The following GTF2A2 variants were observed in gnomAD, a reference collection of about 807,000 sequenced individuals.
GTF2A2 encodes the protein transcription initiation factor IIA subunit 2.
GTF2A2 carries 9 observed loss-of-function variants against 14.3 expected under a neutral mutation model. That is an observed-to-expected ratio of 0.63 (90% confidence interval 0.38 to 1.10). The LOEUF is 1.10. Ranked by LOEUF, GTF2A2 falls within the 50% of genes least tolerant of loss-of-function variation. The pLI, the probability that GTF2A2 is intolerant of heterozygous loss-of-function variation, is 0.01. For missense variants in GTF2A2, 90 were observed against 124.6 expected, an observed-to-expected ratio of 0.72 and a Z score of 1.32; for synonymous variants, 56 against 46.0, an observed-to-expected ratio of 1.22 and a Z score of -0.88.
intron 3 of GTF2A2, among the ~76,000 whole-genome samples, chr15:59,647,527 C>A (rs1161524432): frequency 6.6e-6 from 1 of 152,116 alleles, no homozygotes; most frequent in African/African-American, 2.4e-5. Context: ...ATCTTCAATG[C>A]ACTTTTAATA....
chr15:59,641,567 G>C (rs140231477), intron 4 of GTF2A2, among the ~76,000 whole-genome samples: 60 of 152,220 alleles, frequency 3.9e-4, no homozygotes, highest in African/African-American at 1.4e-3. Flanking sequence ...AATATAATTA[G>C]CAAAAAGGAA....
chr15:59,647,863 C>G (rs998109158), intron 3 of GTF2A2, among the ~76,000 whole-genome samples: 17 of 152,076 alleles, frequency 1.1e-4, no homozygotes, highest in African/African-American at 4.1e-4. Context: ...AGCCACTGTA[C>G]CCAGCCTAAA....
chr15:59,641,749 T>C (rs1891435851), intron 4 of GTF2A2, among the ~76,000 whole-genome samples: 1 of 152,152 alleles, frequency 6.6e-6, no homozygotes, highest in East Asian at 1.9e-4. Context: ...AAAATCCTGT[T>C]TAAAATAACT....
intron 1 of GTF2A2, among the ~76,000 whole-genome samples, chr15:59,656,093 C>T (rs892600462): frequency 2.0e-5 from 3 of 152,176 alleles, no homozygotes; most frequent in African/African-American, 7.2e-5. Context: ...TTCAAAATCT[C>T]CCATGGCTTC....
chr15:59,644,033 T>C (rs1227447226), intron 3 of GTF2A2, among the ~76,000 whole-genome samples: 1 of 152,084 alleles, frequency 6.6e-6, no homozygotes, highest in Admixed American at 6.5e-5. Flanking sequence ...TAGCTGGGAT[T>C]ACAGGCGTCT....
chr15:59,639,015 G>A lies in GTF2A2; in HGVS notation c.*117C>T. The stretch of plus-strand genomic sequence containing the variant: ...AGTTTCTTTCTACTGGAATTCTCTG[G>A]TATAGCACAGTGTAGTCATTTCTGC... On this transcript the variant is annotated 3_prime_UTR_variant, in exon 5 of 5. Transcript: ENST00000396060. 1 of 694,656 alleles carries A rather than the reference G, an allele frequency of 1.4e-6. No individual in the cohort carries two copies. Among genetic ancestry groups the A allele is most frequent in the East Asian group, 2.7e-5 (1 of 37,440 alleles). The allele number at this position is 694,656 out of a possible 1,614,324, so 43.0% of individuals were successfully genotyped here.
intron 4 of GTF2A2, among the ~76,000 whole-genome samples, chr15:59,640,570 C>T (rs1404782777): frequency 6.6e-6 from 1 of 152,098 alleles, no homozygotes; most frequent in Non-Finnish European, 1.5e-5. Flanking sequence ...ATTTCAAGTA[C>T]AACAGCCATG....
chr15:59,643,789 G>GC (rs1339705624), intron 3 of GTF2A2, among the ~76,000 whole-genome samples: 3 of 150,036 alleles, frequency 2.0e-5, no homozygotes, highest in African/African-American at 7.4e-5. Flanking sequence ...AGTAGAGATG[G>GC]GTTTCACCAT....
chr15:59,638,174 G>T lies in GTF2A2; in HGVS notation c.*958C>A, dbSNP rs991983069. On this transcript the variant is annotated 3_prime_UTR_variant, in exon 5 of 5. Transcript: ENST00000396060. ...CAGTCTCAGCCTCCTAAAGTACTGG[G>T]ATTACTTACAGGTGTGAGCCACCAG... is the stretch of plus-strand genomic sequence containing the variant. The T allele has an allele frequency of 6.6e-6, 1 of 152,128 alleles. No homozygotes were observed. Among genetic ancestry groups the T allele is most frequent in the Admixed American group, 6.6e-5 (1 of 15,262 alleles). The allele number at this position is 152,128 out of a possible 1,614,324, so 9.4% of individuals were successfully genotyped here. A position where few individuals can be genotyped will look rare whatever the true frequency, so the allele number is the denominator to read the frequency against.
intron 4 of GTF2A2, among the ~76,000 whole-genome samples, chr15:59,639,811 CGCAATCTCAGCTCACT>C (rs1440790128): frequency 3.9e-5 from 6 of 151,914 alleles, no homozygotes; most frequent in South Asian, 2.1e-4. Flanking sequence ...AGTGCAGTAG[CGCAATCTCAGCTCACT>C]GCAATCTCCA....
chr15:59,639,742 G>A (rs372613081), intron 4 of GTF2A2, among the ~76,000 whole-genome samples: 1 of 151,356 alleles, frequency 6.6e-6, no homozygotes, highest in East Asian at 2.0e-4. Flanking sequence ...AGAGGTGTGA[G>A]CCACCGTGCC....
intron 4 of GTF2A2, chr15:59,640,084 C>G (rs906593152): frequency 6.6e-6 from 1 of 151,988 alleles, no homozygotes; most frequent in Non-Finnish European, 1.5e-5. Context: ...GCATTCTTTT[C>G]TGCAGATATA....
At position 59,639,150 on chromosome 15, in the gene GTF2A2, G is replaced by T; in HGVS notation, c.312C>A (p.Gly104=). 6.9e-7 allele frequency: 1 copy of T among 1,454,910 alleles called. No individual in the cohort carries two copies. The highest frequency in any genetic ancestry group is 9.6e-7 in the Non-Finnish European group (1 of 1,038,678). The allele number at this position is 1,454,910 out of a possible 1,614,324, so 90.1% of individuals were successfully genotyped here. A position where few individuals can be genotyped will look rare whatever the true frequency, so the allele number is the denominator to read the frequency against. Residue 104 remains glycine, a synonymous_variant, in exon 5 of 5, where the codon GGC becomes GGA. Transcript: ENST00000396060. Reference sequence around the variant, plus strand: ...TTTCTATTCATTCTGTAGTATTGGAGCCAGTATCTAGGAAACAAAAGAGAA... The same window carrying T: ...TTTCTATTCATTCTGTAGTATTGGATCCAGTATCTAGGAAACAAAAGAGAA... The part of the protein sequence containing the change: ...KIVACDGKNT[G]SNTTE
chr15:59,651,283 T>C (rs567703097), intron 2 of GTF2A2: 2 of 152,922 alleles, frequency 1.3e-5, no homozygotes, highest in African/African-American at 4.8e-5. Context: ...ATTCAAGCGA[T>C]TCTCCTGCCT....
chr15:59,646,374 A>C (rs1317232065), intron 3 of GTF2A2, among the ~76,000 whole-genome samples: 1 of 152,148 alleles, frequency 6.6e-6, no homozygotes, highest in Non-Finnish European at 1.5e-5. Context: ...TCTTTTAAAA[A>C]ATGTGTAGTC....
In GTF2A2 at chr15:59,650,754, TG is replaced by T; in HGVS notation, c.91del (p.Gln31AsnfsTer14). 1.9e-6 allele frequency: 3 copies of T among 1,604,368 alleles called. No homozygotes were observed. The highest frequency in any genetic ancestry group is 1.7e-6 in the Non-Finnish European group (2 of 1,171,414). ...CTGAAGTAGAACTTGAAGGGCAAGT[TG>T]GGGGGTGATCTGTTGAGACTGAGAA... Reference protein sequence around the residue: ...ELIQSQQITPQLALQVLLQFD... With the variant: ...ELIQSQQITPXLALQVLLQFD... On this transcript the variant is annotated frameshift_variant, in exon 3 of 5. Coordinates refer to ENST00000396060, the MANE Select transcript of GTF2A2 (RefSeq NM_004492.3). LOFTEE classifies it high-confidence loss of function.
At position 59,645,129 on chromosome 15, in the gene GTF2A2, G is replaced by T. The variant is rs146991294; in HGVS notation, c.178-2867C>A. On this transcript the variant is annotated intron_variant, in intron 3 of 4. Transcript: ENST00000396060. ...GGGGTTGGGGGACAGAGAAATCCAC[G>T]GTAACTCCCAAGTTTCTGACTTGAA... 2.0e-4 allele frequency among the ~76,000 whole-genome samples: 31 copies of T among 152,246 alleles called. No homozygotes were observed. In the East Asian group the frequency reaches 6.0e-3, roughly 29 times the overall value.
intron 4 of GTF2A2, 143 bp from the exon 5 acceptor site, chr15:59,639,300 GGT>G (rs1241877566): frequency 1.4e-5 from 9 of 653,672 alleles, no homozygotes; most frequent in Non-Finnish European, 2.5e-5. Flanking sequence ...CAGGAGGAAA[GGT>G]GACACTGTAA....
intron 3 of GTF2A2, among the ~76,000 whole-genome samples, chr15:59,648,067 T>C (rs1039173519): frequency 3.3e-5 from 5 of 152,138 alleles, no homozygotes; most frequent in African/African-American, 4.8e-5. Flanking sequence ...AACCATTACT[T>C]TTATCTATGG....
Sources: allele counts gnomAD v4.1 joint callset (sites outside exome capture counted in the v4.1 genomes callset), GRCh38; gene constraint gnomAD v4.1.1; transcripts MANE v1.5; gene names NCBI Gene and HGNC (gene_info 2026-07-23, HGNC 2026-07-21).